NDUFS1: variants seen among roughly 807,000 people sequenced by gnomAD.
NDUFS1 encodes NADH-ubiquinone oxidoreductase 75 kDa subunit, mitochondrial.
In NDUFS1, 61 loss-of-function variants were observed where a neutral mutation model predicts 84.4. That is an observed-to-expected ratio of 0.72 (90% CI 0.59 to 0.89). NDUFS1 has a LOEUF of 0.89. Ranked by LOEUF, NDUFS1 falls within the 40% of genes least tolerant of loss-of-function variation. The pLI is 0.00. For missense variants in NDUFS1, 891 were observed against 890.0 expected (o/e 1.00, Z -0.01); for synonymous variants, 275 against 290.0 (o/e 0.95, Z 0.53).
At chr2:206,136,590 T>A (rs1403076514) in intron 13 of NDUFS1, among the ~76,000 whole-genome samples, 1 of 151,204 alleles carries the variant, frequency 6.6e-6, no homozygotes, top group Non-Finnish European at 1.5e-5. Flanking sequence ...CCCATCACCA[T>A]ACCCAGCTAA....
chr2:206,129,943 T>G, intron 15 of NDUFS1, 145 bp downstream of exon 15: 2 of 854,614 alleles, frequency 2.3e-6, no homozygotes, highest in South Asian at 1.5e-5. Context: ...ACACTTGTGG[T>G]TTGTTTAAAA....
chr2:206,130,286 A>T (rs4147725), intron 14 of NDUFS1, 44 bp from the exon 15 acceptor site: 48 of 1,602,788 alleles, frequency 3.0e-5, no homozygotes, highest in Middle Eastern at 1.7e-4. Context: ...CAGTATTTTC[A>T]ATGTAAAAAA....
At chr2:206,147,886 C>G in intron 5 of NDUFS1, 52 bp from the exon 6 acceptor site, 1 of 1,482,118 alleles carries the variant, frequency 6.7e-7, no homozygotes, top group East Asian at 2.3e-5. Context: ...CACACACTGA[C>G]ATTAACTGCT....
chr2:206,143,419 G>C (rs913759842), intron 10 of NDUFS1, among the ~76,000 whole-genome samples: 2 of 152,126 alleles, frequency 1.3e-5, no homozygotes, highest in African/African-American at 4.8e-5. Flanking sequence ...GAATGAAGTG[G>C]AACTATAGTT....
chr2:206,124,865 T>A (rs1024850664), intron 18 of NDUFS1, among the ~76,000 whole-genome samples: 2 of 151,666 alleles, frequency 1.3e-5, no homozygotes, highest in Non-Finnish European at 2.9e-5. Flanking sequence ...TAAATAAATA[T>A]AGGAAAAATG....
At chr2:206,159,047 G>A (rs542495067) in intron 1 of NDUFS1, 49 of 1,531,480 alleles carry the variant, frequency 3.2e-5, no homozygotes, top group Non-Finnish European at 3.6e-5. Flanking sequence ...CTCTGAGAGG[G>A]AAATGTCCTG....
rs1022598939 is a variant in NDUFS1 at position 206,120,353 on chromosome 2, G to A, written c.*3832C>T. The A allele has an allele frequency of 6.6e-6, 1 of 152,226 alleles. No homozygotes were observed. The highest frequency in any genetic ancestry group is 6.5e-5 in the Admixed American group (1 of 15,272). The allele number at this position is 152,226 out of a possible 1,614,324, so 9.4% of individuals were successfully genotyped here. A position where few individuals can be genotyped will look rare whatever the true frequency, so the allele number is the denominator to read the frequency against. ...AACAGGCAGAGGTTGGAAGAATCTG[G>A]AGGGCTCAGAAGACAGAAAGATGAG... On this transcript the variant is annotated 3_prime_UTR_variant, in exon 19 of 19. Coordinates refer to ENST00000233190, the MANE Select transcript of NDUFS1 (RefSeq NM_005006.7).
chr2:206,124,025 A>G lies in NDUFS1; in HGVS notation c.*160T>C. On this transcript the variant is annotated 3_prime_UTR_variant, in exon 19 of 19. Coordinates refer to ENST00000233190, the MANE Select transcript of NDUFS1 (RefSeq NM_005006.7). ...ACATGTTTTTCAAACTGCAAAGTTG[A>G]TAACTAATATCATTTTCAAATAGGC... 1 of 615,418 alleles carries G rather than the reference A, an allele frequency of 1.6e-6. No individual in the cohort carries two copies. The allele number at this position is 615,418 out of a possible 1,614,324, so 38.1% of individuals were successfully genotyped here. A position where few individuals can be genotyped will look rare whatever the true frequency, so the allele number is the denominator to read the frequency against.
chr2:206,157,102 T>C (rs1833217), intron 1 of NDUFS1, among the ~76,000 whole-genome samples: 93,219 of 152,070 alleles, frequency 0.61, 29,471 homozygotes, highest in African/African-American at 0.77. Context: ...CAGGCACCTG[T>C]CATCACGCCC....
intron 3 of NDUFS1, 111 bp downstream of exon 3, chr2:206,152,308 G>C: frequency 2.5e-6 from 2 of 807,218 alleles, no homozygotes; most frequent in Non-Finnish European, 4.2e-6. Flanking sequence ...TAACTTTGCT[G>C]TGTATAGTTA....
intron 18 of NDUFS1, among the ~76,000 whole-genome samples, chr2:206,125,436 T>C (rs1184132555): frequency 2.0e-5 from 3 of 151,942 alleles, no homozygotes; most frequent in Non-Finnish European, 4.4e-5. Flanking sequence ...CACTTCAGCC[T>C]GGGTGACAGA....
chr2:206,139,171 A>G (rs914788490), intron 12 of NDUFS1, among the ~76,000 whole-genome samples: 1 of 151,950 alleles, frequency 6.6e-6, no homozygotes, highest in African/African-American at 2.4e-5. Context: ...AGCCAGCTAT[A>G]AAAGTTATTT....
chr2:206,117,465 C>T lies in NDUFS1; in HGVS notation c.*6720G>A, dbSNP rs576194932. The T allele has an allele frequency of 3.3e-5, 5 of 152,340 alleles. No individual in the cohort carries two copies. The highest frequency in any genetic ancestry group is 2.0e-4 in the Admixed American group (3 of 15,304). 9.4% of individuals were successfully genotyped at this position (152,340 alleles called of 1,614,324 possible). On this transcript the variant is annotated 3_prime_UTR_variant, in exon 19 of 19. Transcript: ENST00000233190. ...TGTTTTTCTTTTTGAGATGGGGTCT[C>T]GCTTTGTCGCCCATGCTAGAGCGCA...
At chr2:206,138,340 C>G (rs1037093059) in intron 13 of NDUFS1, 145 bp downstream of exon 13, 2 of 823,358 alleles carry the variant, frequency 2.4e-6, no homozygotes, top group African/African-American at 3.5e-5. Flanking sequence ...CTCGGACTCC[C>G]AAAGTGCTGG....
chr2:206,157,213 C>T (rs539766248), intron 1 of NDUFS1, among the ~76,000 whole-genome samples: 103 of 152,308 alleles, frequency 6.8e-4, no homozygotes, highest in Non-Finnish European at 1.1e-3. Flanking sequence ...GACCTCCCAA[C>T]GTGTTGGGAT....
chr2:206,117,494 G>A lies in NDUFS1; in HGVS notation c.*6691C>T, dbSNP rs892483251. 11 of 152,210 alleles carry A rather than the reference G, an allele frequency of 7.2e-5. No homozygotes were observed. Among genetic ancestry groups the A allele is most frequent in the African/African-American group, 2.7e-4 (11 of 41,450 alleles). The allele number at this position is 152,210 out of a possible 1,614,324, so 9.4% of individuals were successfully genotyped here. On this transcript the variant is annotated 3_prime_UTR_variant, in exon 19 of 19. Coordinates refer to ENST00000233190, the MANE Select transcript of NDUFS1 (RefSeq NM_005006.7). ...TTGTCGCCCATGCTAGAGCGCAGTG[G>A]CGCGATCTGGGATCACTGCAACCTC...
intron 1 of NDUFS1, among the ~76,000 whole-genome samples, chr2:206,154,556 G>A (rs976573594): frequency 1.3e-5 from 2 of 152,178 alleles, no homozygotes; most frequent in South Asian, 2.1e-4. Context: ...AATGGGTGTC[G>A]ATTATATAAA....
At chr2:206,145,118 A>C in intron 8 of NDUFS1, 92 bp from the exon 9 acceptor site, 13 of 1,241,158 alleles carry the variant, frequency 1.0e-5, no homozygotes, top group Non-Finnish European at 1.5e-5. Context: ...TTTACAATTA[A>C]TTCCCTTTCT....
chr2:206,158,863 C>T (rs1276948615), intron 1 of NDUFS1, among the ~76,000 whole-genome samples: 1 of 152,200 alleles, frequency 6.6e-6, no homozygotes, highest in East Asian at 1.9e-4. Context: ...CCAACGTGGT[C>T]AATGGACCAA....
Sources: allele counts gnomAD v4.1 joint callset (sites outside exome capture counted in the v4.1 genomes callset), GRCh38; gene constraint gnomAD v4.1.1; transcripts MANE v1.5; gene names NCBI Gene and HGNC (gene_info 2026-07-23, HGNC 2026-07-21).